GNAQ: variants seen among roughly 807,000 people sequenced by gnomAD.
GNAQ encodes the protein guanine nucleotide-binding protein G(q) subunit alpha.
In GNAQ, 8 loss-of-function variants were observed where a neutral mutation model predicts 43.9. The observed-to-expected ratio is 0.18, with a 90% CI of 0.11 to 0.33. The LOEUF is 0.33. Among genes scored for constraint, GNAQ ranks in the 10% least tolerant of loss-of-function variants. The pLI, the probability that GNAQ is intolerant of heterozygous loss-of-function variation, is 1.00. For missense variants in GNAQ, 158 were observed against 450.8 expected (o/e 0.35, Z 5.88); for synonymous variants, 155 against 170.7 (o/e 0.91, Z 0.71).
At chr9:77,837,302 A>G (rs1460557959) in intron 2 of GNAQ, among the ~76,000 whole-genome samples, 1 of 152,136 alleles carries the variant, frequency 6.6e-6, no homozygotes, top group Non-Finnish European at 1.5e-5. Flanking sequence ...CTCTAATCTC[A>G]GCACTTTGGG....
chr9:77,743,846 TCTAA>T lies in GNAQ; in HGVS notation c.736-15183_736-15180del, dbSNP rs559790004. On this transcript the variant is annotated intron_variant, in intron 5 of 6. Coordinates refer to ENST00000286548, the MANE Select transcript of GNAQ (RefSeq NM_002072.5). Reference sequence around the variant, plus strand: ...GTGATTAAGGAACTGCTGCTCCTGGTCTAACTCTCAGCTTCCCACTGGAAGTCAG... The same window carrying T: ...GTGATTAAGGAACTGCTGCTCCTGGTCTCTCAGCTTCCCACTGGAAGTCAG... Among the ~76,000 whole-genome samples the T allele has an allele frequency of 3.1e-4, 47 of 152,370 alleles. 1 individual carries two copies. In the South Asian group the frequency reaches 9.3e-3, roughly 30 times the overall value.
chr9:77,973,861 G>C (rs1377305691), intron 1 of GNAQ, among the ~76,000 whole-genome samples: 1 of 152,050 alleles, frequency 6.6e-6, no homozygotes, highest in Non-Finnish European at 1.5e-5. Flanking sequence ...TTCAATCTTA[G>C]AGATTTCCAG....
At position 77,948,490 on chromosome 9, in the gene GNAQ, G is replaced by C. The variant is rs554009327; in HGVS notation, c.137-26145C>G. Among the ~76,000 whole-genome samples the C allele has an allele frequency of 2.6e-5, 4 of 152,300 alleles. No individual in the cohort carries two copies. The South Asian group carries it at 8.3e-4, about 32-fold the overall frequency. ...GGGGGACCTAGCGGTAGGGATGGAA[G>C]AGGACACGGATGAAGGAGGACACAG... On this transcript the variant is annotated intron_variant, in intron 1 of 6. Transcript: ENST00000286548.
intron 1 of GNAQ, among the ~76,000 whole-genome samples, chr9:77,984,108 T>C (rs949911213): frequency 1.5e-5 from 2 of 133,626 alleles, no homozygotes; most frequent in Non-Finnish European, 3.1e-5. Flanking sequence ...TCTAGGCAGG[T>C]AGGGCACAAG....
rs149649578 is a variant in GNAQ, at chr9:77,962,581, C to T, written c.137-40236G>A. On this transcript the variant is annotated intron_variant, in intron 1 of 6. Transcript: ENST00000286548. ...AGAAGAAAACTATGGTGGATATATACAAGAGGTCTTCAAAAAGTGCATGGA... is the reference window on the plus strand; with the variant it reads ...AGAAGAAAACTATGGTGGATATATATAAGAGGTCTTCAAAAAGTGCATGGA... 3.0e-3 allele frequency among the ~76,000 whole-genome samples: 462 copies of T among 152,192 alleles called. 2 individuals carry two copies. Among genetic ancestry groups the T allele is most frequent in the African/African-American group, 9.2e-3 (383 of 41,548 alleles).
At chr9:77,742,080 T>C (rs1319308963) in intron 5 of GNAQ, among the ~76,000 whole-genome samples, 1 of 152,206 alleles carries the variant, frequency 6.6e-6, no homozygotes, top group Non-Finnish European at 1.5e-5. Context: ...CCCTGGCACC[T>C]TTAAAAGCAA....
intron 2 of GNAQ, among the ~76,000 whole-genome samples, chr9:77,819,414 G>A (rs1460709956): frequency 6.6e-6 from 1 of 152,208 alleles, no homozygotes; most frequent in East Asian, 1.9e-4. Flanking sequence ...CCCACAGCAG[G>A]CCAAGCCTTT....
At chr9:77,861,352 G>C (rs1239215027) in intron 2 of GNAQ, among the ~76,000 whole-genome samples, 1 of 152,062 alleles carries the variant, frequency 6.6e-6, no homozygotes, top group Non-Finnish European at 1.5e-5. Context: ...TTATTATTCT[G>C]CCCCTTGCCA....
chr9:77,780,516 G>C (rs1826377720), intron 5 of GNAQ, among the ~76,000 whole-genome samples: 1 of 149,694 alleles, frequency 6.7e-6, no homozygotes, highest in African/African-American at 2.5e-5. Context: ...CTATTCATCT[G>C]TTGATAGGCA....
chr9:77,777,088 G>T (rs943940035), intron 5 of GNAQ, among the ~76,000 whole-genome samples: 2 of 152,016 alleles, frequency 1.3e-5, no homozygotes, highest in African/African-American at 4.8e-5. Context: ...TTATGTTCAC[G>T]ATCACCTGGT....
At chr9:77,822,716 G>C (rs147299230) in intron 2 of GNAQ, among the ~76,000 whole-genome samples, 8 of 150,994 alleles carry the variant, frequency 5.3e-5, no homozygotes, top group African/African-American at 1.9e-4. Flanking sequence ...TGTGAAATCT[G>C]ACCACTGAAG....
At chr9:77,883,525 T>C (rs1367603452) in intron 2 of GNAQ, among the ~76,000 whole-genome samples, 2 of 151,850 alleles carry the variant, frequency 1.3e-5, no homozygotes, top group African/African-American at 2.4e-5. Context: ...ACTCAGGCAG[T>C]ACATGTGCAT....
chr9:77,986,803 C>CTTTTTT (rs56978328), intron 1 of GNAQ, among the ~76,000 whole-genome samples: 1 of 123,564 alleles, frequency 8.1e-6, no homozygotes, highest in African/African-American at 3.1e-5. Flanking sequence ...GCACCTGGCC[C>CTTTTTT]TTTTTTTTTT....
At chr9:77,880,562 T>TG (rs1049939197) in intron 2 of GNAQ, among the ~76,000 whole-genome samples, 8 of 149,318 alleles carry the variant, frequency 5.4e-5, no homozygotes, top group African/African-American at 1.5e-4. Flanking sequence ...TCTGTTTTTT[T>TG]TTTTTTGTTT....
chr9:77,935,247 T>A (rs1829213913), intron 1 of GNAQ, among the ~76,000 whole-genome samples: 1 of 152,200 alleles, frequency 6.6e-6, no homozygotes, highest in Non-Finnish European at 1.5e-5. Flanking sequence ...TTTTAAAGTT[T>A]AAAATTCTCT....
intron 2 of GNAQ, among the ~76,000 whole-genome samples, chr9:77,865,002 C>A (rs1209973765): frequency 2.0e-5 from 3 of 152,066 alleles, no homozygotes; most frequent in Non-Finnish European, 4.4e-5. Flanking sequence ...GGCTTTTTCC[C>A]CATCAAAAAG....
At chr9:77,959,869 G>T (rs974797249) in intron 1 of GNAQ, among the ~76,000 whole-genome samples, 1 of 152,080 alleles carries the variant, frequency 6.6e-6, no homozygotes, top group African/African-American at 2.4e-5. Flanking sequence ...CAAAAAGGTG[G>T]CACCATGGTT....
intron 5 of GNAQ, among the ~76,000 whole-genome samples, chr9:77,754,940 T>C (rs904296941): frequency 1.2e-4 from 19 of 152,240 alleles, no homozygotes; most frequent in African/African-American, 4.6e-4. Context: ...CCATGTTTAC[T>C]GCAGCACTAT....
At chr9:77,958,455 T>C (rs905306543) in intron 1 of GNAQ, among the ~76,000 whole-genome samples, 5 of 152,236 alleles carry the variant, frequency 3.3e-5, no homozygotes, top group Non-Finnish European at 7.3e-5. Context: ...ACTTTCATAT[T>C]CTGCAATATT....
Sources: allele counts gnomAD v4.1 joint callset (sites outside exome capture counted in the v4.1 genomes callset), GRCh38; gene constraint gnomAD v4.1.1; transcripts MANE v1.5; gene names NCBI Gene and HGNC (gene_info 2026-07-23, HGNC 2026-07-21).